Variants in ZSCAN5A observed in about 807,000 individuals in gnomAD.
ZSCAN5A encodes zinc finger and SCAN domain-containing protein 5A.
A neutral mutation model predicts 23.7 loss-of-function variants in ZSCAN5A; 12 were observed. That is an observed-to-expected ratio of 0.51 (90% CI 0.32 to 0.82). ZSCAN5A has a LOEUF of 0.82. Ranked by LOEUF, ZSCAN5A falls within the 40% of genes least tolerant of loss-of-function variation. The pLI, the probability that ZSCAN5A is intolerant of heterozygous loss-of-function variation, is 0.03. For synonymous variants in ZSCAN5A, 257 were observed against 239.9 expected, an observed-to-expected ratio of 1.07 and a Z score of -0.66; for missense variants, 597 against 617.9, an observed-to-expected ratio of 0.97 and a Z score of 0.36.
rs114601386 is a variant in ZSCAN5A at position 56,248,143 on chromosome 19, T to C, written c.-127-22970A>G. ...TAAATACACAATGCCTGGGGAAATC[T>C]GTGTTTCAAATAAACAATTTTTTTT... is the stretch of plus-strand genomic sequence containing the variant. On this transcript the variant is annotated intron_variant, in intron 2 of 5. Transcript: ENST00000683990. 9.1e-3 allele frequency among the ~76,000 whole-genome samples: 1,050 copies of C among 114,782 alleles called. 17 individuals carry two copies. Among genetic ancestry groups the C allele is most frequent in the African/African-American group, 0.03 (988 of 32,924 alleles). 75.3% of individuals were successfully genotyped at this position (114,782 alleles called of 152,430 possible). A position where few individuals can be genotyped will look rare whatever the true frequency, so the allele number is the denominator to read the frequency against.
At chr19:56,255,905 A>G (rs1250947547) in intron 2 of ZSCAN5A, among the ~76,000 whole-genome samples, 1 of 152,176 alleles carries the variant, frequency 6.6e-6, no homozygotes, top group Non-Finnish European at 1.5e-5. Context: ...GGCTTATTTA[A>G]AAAACAGTAA....
At chr19:56,302,603 CTTCCTCTCCCTCTT>C (rs2040398981) in intron 2 of ZSCAN5A, among the ~76,000 whole-genome samples, 1 of 98,248 alleles carries the variant, frequency 1.0e-5, no homozygotes, top group Non-Finnish European at 2.1e-5. Flanking sequence ...TCTCCCTCTT[CTTCCTCTCCCTCTT>C]CCTCCCTCCC....
chr19:56,243,124 G>A (rs1040681773), intron 2 of ZSCAN5A, among the ~76,000 whole-genome samples: 2 of 148,756 alleles, frequency 1.3e-5, no homozygotes, highest in Non-Finnish European at 3.0e-5. Flanking sequence ...ATTTCATAGA[G>A]CACTAGACTT....
chr19:56,237,922 T>TA (rs1257899507), intron 2 of ZSCAN5A, among the ~76,000 whole-genome samples: 5 of 58,128 alleles, frequency 8.6e-5, no homozygotes, highest in African/African-American at 1.9e-4. Context: ...GTCTCAAAAA[T>TA]AAAAAAAATT....
chr19:56,298,390 C>A (rs1318956282), intron 2 of ZSCAN5A, among the ~76,000 whole-genome samples: 1 of 152,158 alleles, frequency 6.6e-6, no homozygotes, highest in African/African-American at 2.4e-5. Context: ...GTAATCCCAG[C>A]ATTCTGGGAG....
intron 2 of ZSCAN5A, among the ~76,000 whole-genome samples, chr19:56,358,447 A>T (rs554422153): frequency 6.7e-6 from 1 of 149,370 alleles, no homozygotes; most frequent in Non-Finnish European, 1.5e-5. Context: ...AAAGACATAC[A>T]AAGAGACTTG....
chr19:56,285,330 C>T (rs1024597070), intron 2 of ZSCAN5A, among the ~76,000 whole-genome samples: 6 of 152,212 alleles, frequency 3.9e-5, no homozygotes, highest in East Asian at 3.8e-4. Context: ...ACCACATTCC[C>T]GGCTCTGCTC....
At position 56,278,421 on chromosome 19, in the gene ZSCAN5A, G is replaced by A. The variant is rs985381769; in HGVS notation, c.-128+34862C>T. 9.2e-5 allele frequency among the ~76,000 whole-genome samples: 14 copies of A among 152,082 alleles called. 1 individual carries two copies. The highest frequency in any genetic ancestry group is 6.6e-4 in the Admixed American group (10 of 15,266). ...AGTGCTGGGATTACAGGCGTGAGCC[G>A]CCCCGCCCAGCCACAATGTGCTATT... On this transcript the variant is annotated intron_variant, in intron 2 of 5. Transcript: ENST00000683990.
intron 5 of ZSCAN5A, 75 bp from the exon 6 acceptor site, chr19:56,222,401 T>G: frequency 6.3e-7 from 1 of 1,575,384 alleles, no homozygotes; most frequent in East Asian, 2.2e-5. Flanking sequence ...AACCAAACAC[T>G]GATGTTGGCT....
At chr19:56,294,715 T>C (rs2147189412) in intron 2 of ZSCAN5A, among the ~76,000 whole-genome samples, 1 of 152,256 alleles carries the variant, frequency 6.6e-6, no homozygotes, top group East Asian at 1.9e-4. Flanking sequence ...TAAAACTTCA[T>C]CTACAAAAGC....
intron 2 of ZSCAN5A, among the ~76,000 whole-genome samples, chr19:56,325,427 C>G (rs2041423260): frequency 6.6e-6 from 1 of 152,118 alleles, no homozygotes; most frequent in Non-Finnish European, 1.5e-5. Flanking sequence ...TTGTTTGGCC[C>G]AGATTCCAGT....
intron 2 of ZSCAN5A, among the ~76,000 whole-genome samples, chr19:56,242,256 G>A (rs1170101805): frequency 6.6e-6 from 1 of 152,144 alleles, no homozygotes; most frequent in Admixed American, 6.5e-5. Flanking sequence ...GTGCCTTGTG[G>A]TTTGGATTTG....
In ZSCAN5A at chr19:56,351,963, T is replaced by C. The variant is rs935299651; in HGVS notation, c.-358+11272A>G. Among the ~76,000 whole-genome samples, 4 of 152,178 alleles carry C rather than the reference T, an allele frequency of 2.6e-5. No individual in the cohort carries two copies. Among genetic ancestry groups the C allele is most frequent in the African/African-American group, 9.7e-5 (4 of 41,442 alleles). On this transcript the variant is annotated intron_variant, in intron 2 of 6. Coordinates refer to the ZSCAN5A transcript ENST00000587340. This position sits in a 1 kb window ranked among gnomAD's most constrained non-coding sequence, Gnocchi z 4.8. ...TTGTGTTGCGGGATGAAGATGTCAT[T>C]ACACTTTCTTACCCAAAGTCAGGTA...
intron 2 of ZSCAN5A, among the ~76,000 whole-genome samples, chr19:56,247,853 G>A (rs891647146): frequency 2.0e-5 from 3 of 151,906 alleles, no homozygotes; most frequent in Admixed American, 6.6e-5. Flanking sequence ...CACCATGCCC[G>A]GCTAATTTTT....
intron 1 of ZSCAN5A, chr19:56,367,218 G>C (rs2147475016): frequency 6.6e-6 from 1 of 152,224 alleles, no homozygotes; most frequent in South Asian, 2.1e-4. Flanking sequence ...GCCGGGCATG[G>C]TGGTGCACAC....
chr19:56,335,945 G>A (rs1419816242), intron 2 of ZSCAN5A, among the ~76,000 whole-genome samples: 5 of 151,402 alleles, frequency 3.3e-5, no homozygotes, highest in East Asian at 3.9e-4. Flanking sequence ...AGTTTCTGCC[G>A]AGAGATCGCT....
chr19:56,225,175 T>TA lies in ZSCAN5A; in HGVS notation c.-127-3_-127-2insT. The TA allele has an allele frequency of 7.3e-7, 1 of 1,379,164 alleles. No homozygotes were observed. Among genetic ancestry groups the TA allele is most frequent in the South Asian group, 1.5e-5 (1 of 64,960 alleles). The allele number at this position is 1,379,164 out of a possible 1,614,324, so 85.4% of individuals were successfully genotyped here. A position where few individuals can be genotyped will look rare whatever the true frequency, so the allele number is the denominator to read the frequency against. ...TAGATTCACTGTTCATTCAGAAGTC[T>TA]GGGGGGGAAAAGTATGAGCCTCATT... is the stretch of plus-strand genomic sequence containing the variant. On this transcript the variant is annotated splice_polypyrimidine_tract_variant and splice_region_variant and intron_variant, in intron 2 of 5. Transcript: ENST00000683990.
At chr19:56,345,280 T>A (rs946721183) in intron 2 of ZSCAN5A, among the ~76,000 whole-genome samples, 17 of 152,388 alleles carry the variant, frequency 1.1e-4, no homozygotes, top group African/African-American at 4.1e-4. Flanking sequence ...GTACACTTTT[T>A]AAGCCAATTA....
In ZSCAN5A at chr19:56,236,849, C is replaced by T. The variant is rs1050412452; in HGVS notation, c.-127-11676G>A. On this transcript the variant is annotated intron_variant, in intron 2 of 5. Transcript: ENST00000683990. The stretch of plus-strand genomic sequence containing the variant: ...GCCTCCACTCCAACCTCTGATTGAC[C>T]GTGGGCCAAGCCTCCACTCCAGCCT... Among the ~76,000 whole-genome samples, 19 of 132,962 alleles carry T rather than the reference C, an allele frequency of 1.4e-4. 1 individual carries two copies. The highest frequency in any genetic ancestry group is 2.3e-4 in the Non-Finnish European group (14 of 62,194). 87.2% of individuals were successfully genotyped at this position (132,962 alleles called of 152,430 possible). A position where few individuals can be genotyped will look rare whatever the true frequency, so the allele number is the denominator to read the frequency against.
Sources: gnomAD v4.1 joint callset for allele counts (sites outside exome capture counted in the v4.1 genomes callset) on GRCh38, gnomAD v4.1.1 for gene constraint, Gnocchi (gnomAD v3.1) non-coding constraint, MANE v1.5 for transcripts, NCBI Gene and HGNC (gene_info 2026-07-23, HGNC 2026-07-21) for gene names.